Variants in AP1G1 observed in about 807,000 individuals in gnomAD.
AP1G1 encodes the protein adaptor related protein complex 1 subunit gamma 1.
In AP1G1, 7 loss-of-function variants were observed where a neutral mutation model predicts 108.3. The ratio of observed to expected loss-of-function variants is 0.06; its 90% CI spans 0.04 to 0.12. The LOEUF (loss-of-function observed/expected upper bound fraction) is 0.12. Among genes scored for constraint, AP1G1 ranks in the 10% least tolerant of loss-of-function variants. AP1G1 has a pLI of 1.00. For synonymous variants in AP1G1, 379 were observed against 353.5 expected (o/e 1.07, Z -0.81); for missense variants, 756 against 1,010.7 (o/e 0.75, Z 3.42).
intron 2 of AP1G1, among the ~76,000 whole-genome samples, chr16:71,783,776 T>G (rs898043534): frequency 6.6e-6 from 1 of 152,208 alleles, no homozygotes; most frequent in East Asian, 1.9e-4. Context: ...AATCTTACTA[T>G]GTTTCTAAGA....
chr16:71,736,656 GCTCACTGCAAGCTCCAC>G (rs2045550870), intron 21 of AP1G1, among the ~76,000 whole-genome samples: 1 of 150,428 alleles, frequency 6.6e-6, no homozygotes, highest in East Asian at 1.9e-4. Flanking sequence ...GGTGATCTCG[GCTCACTGCAAGCTCCAC>G]CTCCCGGGCT....
At chr16:71,796,122 C>A (rs1398457441) in intron 1 of AP1G1, among the ~76,000 whole-genome samples, 1 of 152,122 alleles carries the variant, frequency 6.6e-6, no homozygotes, top group Non-Finnish European at 1.5e-5. Context: ...GTCTGTAGTC[C>A]TAGCTATTCG....
At chr16:71,736,367 G>C (rs1370618669) in intron 21 of AP1G1, among the ~76,000 whole-genome samples, 1 of 146,972 alleles carries the variant, frequency 6.8e-6, no homozygotes, top group Non-Finnish European at 1.5e-5. Flanking sequence ...GTACATAGTA[G>C]AACCTATAAA....
In AP1G1 at chr16:71,732,132, GTTATGGGC is replaced by G. The variant is rs1174662629; in HGVS notation, c.*918_*925del. The G allele has an allele frequency of 1.3e-5, 2 of 152,270 alleles. No individual in the cohort carries two copies. The highest frequency in any genetic ancestry group is 2.9e-5 in the Non-Finnish European group (2 of 68,050). 9.4% of individuals were successfully genotyped at this position (152,270 alleles called of 1,614,324 possible). On this transcript the variant is annotated 3_prime_UTR_variant, in exon 23 of 23. Coordinates refer to ENST00000299980, the MANE Select transcript of AP1G1 (RefSeq NM_001128.6). ...CCATTACCATAGTTCAAACAGGCAA[GTTATGGGC>G]TTAGGAGCACTTTAAAATTTGTGGT...
At chr16:71,744,104 C>T (rs746532102) in intron 19 of AP1G1, among the ~76,000 whole-genome samples, 6 of 151,792 alleles carry the variant, frequency 4.0e-5, no homozygotes, top group Non-Finnish European at 7.4e-5. Context: ...TTAGCCAGGG[C>T]ATGGTGGTGC....
rs938257218 is a variant in AP1G1, at chr16:71,761,703, C to CTCA, written c.919-139_919-137dup. ...AAAAAAAAGGAGCTGGGTGCGGTGG[C>CTCA]TCACGCCTGTAATCCCAGAACTTTG... On this transcript the variant is annotated intron_variant, in intron 9 of 22. Transcript: ENST00000299980. 4.7e-6 allele frequency: 3 copies of CTCA among 639,660 alleles called. No individual in the cohort carries two copies. The African/African-American group carries it at 5.6e-5, about 12-fold the overall frequency. 39.6% of individuals were successfully genotyped at this position (639,660 alleles called of 1,614,324 possible).
At chr16:71,780,468 G>A (rs1281966075) in intron 2 of AP1G1, among the ~76,000 whole-genome samples, 1 of 146,098 alleles carries the variant, frequency 6.8e-6, no homozygotes, top group Admixed American at 6.8e-5. Context: ...TCCAGCCTGA[G>A]TGACAGAGTA....
chr16:71,765,371 ATAAT>A, intron 7 of AP1G1, 114 bp downstream of exon 7: 1 of 632,564 alleles, frequency 1.6e-6, no homozygotes. Context: ...ATTCATTAAT[ATAAT>A]TAATCAATTA....
Position 71,758,823 on chromosome 16 carries a change from T to C in AP1G1, c.1073A>G (p.Asp358Gly). ...AGTTTGTTACCGTTTTATTGAGACATCCAAATCTTTAAGACAGTCCACAAT... is the reference window on the plus strand; with the variant it reads ...AGTTTGTTACCGTTTTATTGAGACACCCAAATCTTTAAGACAGTCCACAAT... ...STIVDCLKDL[D>G]VSIKRRAMEL... is the part of the protein sequence containing the mutation. The change falls in exon 11 of 23, where the codon GAT becomes GGT. Residue 358 changes from aspartate (D) to glycine (G), a missense_variant. By Grantham distance (94) the Asp-to-Gly change is moderately conservative. Coordinates refer to ENST00000299980, the MANE Select transcript of AP1G1 (RefSeq NM_001128.6). The C allele has an allele frequency of 6.2e-7, 1 of 1,600,718 alleles. No individual in the cohort carries two copies. Among genetic ancestry groups the C allele is most frequent in the Non-Finnish European group, 8.5e-7 (1 of 1,173,718 alleles).
chr16:71,749,821 C>A (rs2030391562), intron 15 of AP1G1, 73 bp downstream of exon 15: 4 of 1,268,204 alleles, frequency 3.2e-6, no homozygotes, highest in Admixed American at 3.4e-5. Flanking sequence ...AACCTCAACT[C>A]CCCATTAAAC....
chr16:71,746,541 G>A, intron 17 of AP1G1, 47 bp downstream of exon 17: 3 of 1,173,754 alleles, frequency 2.6e-6, no homozygotes, highest in Non-Finnish European at 3.7e-6. Flanking sequence ...TGACAATTTA[G>A]TCAGGATGCT....
chr16:71,762,709 A>G (rs1414645741), intron 9 of AP1G1, among the ~76,000 whole-genome samples: 2 of 152,192 alleles, frequency 1.3e-5, no homozygotes, highest in African/African-American at 4.8e-5. Context: ...GCCTTGCCCT[A>G]TGCATCTCTT....
At position 71,761,583 on chromosome 16, in the gene AP1G1, A is replaced by G. The variant is rs2031084216; in HGVS notation, c.919-16T>C. The G allele has an allele frequency of 6.3e-7, 1 of 1,590,058 alleles. No homozygotes were observed. The highest frequency in any genetic ancestry group is 1.4e-5 in the African/African-American group (1 of 74,014). On this transcript the variant is annotated splice_polypyrimidine_tract_variant and intron_variant, in intron 9 of 22. Coordinates refer to ENST00000299980, the MANE Select transcript of AP1G1 (RefSeq NM_001128.6). ...TGGCTAGGACCTAAAGAGAAACAGC[A>G]TAGGTCGAAATTTAGGAAAATGGAA...
chr16:71,744,381 C>T (rs865775274), intron 19 of AP1G1, among the ~76,000 whole-genome samples: 4 of 152,022 alleles, frequency 2.6e-5, no homozygotes, highest in Admixed American at 6.6e-5. Context: ...GAGTGATTGC[C>T]CTTCAGTTGC....
intron 1 of AP1G1, among the ~76,000 whole-genome samples, chr16:71,790,180 C>T (rs916518826): frequency 1.3e-5 from 2 of 151,236 alleles, no homozygotes; most frequent in Non-Finnish European, 2.9e-5. Context: ...ACGTGCACTA[C>T]CTAATTTCAA....
At chr16:71,772,914 A>G in intron 4 of AP1G1, 1 of 403,178 alleles carries the variant, frequency 2.5e-6, no homozygotes, top group Non-Finnish European at 4.8e-6. Flanking sequence ...TATGGGTATT[A>G]ATTATTAGGA....
intron 10 of AP1G1, among the ~76,000 whole-genome samples, chr16:71,760,937 A>G (rs2031056205): frequency 1.3e-5 from 2 of 152,238 alleles, no homozygotes; most frequent in African/African-American, 2.4e-5. Flanking sequence ...GGAAAATAAC[A>G]AAATAAAAGA....
rs548293011 is a variant in AP1G1 at position 71,792,563 on chromosome 16, A to C, written c.-3-3081T>G. 5.9e-5 allele frequency among the ~76,000 whole-genome samples: 9 copies of C among 152,274 alleles called. No homozygotes were observed. The South Asian group carries it at 1.9e-3, about 32-fold the overall frequency. On this transcript the variant is annotated intron_variant, in intron 1 of 22. Transcript: ENST00000299980. ...AGTAACAGGAAGTTAAAGAATTACA[A>C]GTGAGGAGGCCGGGTGCAGTGGCTC...
rs750868944 is a variant in AP1G1 at position 71,801,431 on chromosome 16, A to G, written c.-4+7332T>C. On this transcript the variant is annotated intron_variant, in intron 1 of 22. Coordinates refer to ENST00000299980, the MANE Select transcript of AP1G1 (RefSeq NM_001128.6). ...TATGTACACTTACGTGAGTATGTAC[A>G]GTACTTAACTAAGCATTGAGAGAAA... Among the ~76,000 whole-genome samples, 4 of 152,214 alleles carry G rather than the reference A, an allele frequency of 2.6e-5. No individual in the cohort carries two copies. The East Asian group carries it at 7.7e-4, about 29-fold the overall frequency.
Sources: allele counts gnomAD v4.1 joint callset (sites outside exome capture counted in the v4.1 genomes callset), GRCh38; gene constraint gnomAD v4.1.1; transcripts MANE v1.5; gene names NCBI Gene and HGNC (gene_info 2026-07-23, HGNC 2026-07-21).